Variants in FDFT1 observed in about 807,000 individuals in gnomAD.
The protein encoded by FDFT1 is farnesyl-diphosphate farnesyltransferase 1.
In FDFT1, 68 loss-of-function variants were observed where a neutral mutation model predicts 46.8. The ratio of observed to expected loss-of-function variants is 1.45; its 90% CI spans 1.19 to 1.78. The LOEUF (loss-of-function observed/expected upper bound fraction) is 1.78. Ranked by LOEUF, FDFT1 falls within the 40% of genes most tolerant of loss-of-function variation. The probability of loss-of-function intolerance (pLI) is 0.00; values close to 1 mark genes in which losing one functional copy is unlikely to be tolerated. For missense variants in FDFT1, 928 were observed against 524.4 expected (o/e 1.77, Z -7.52); for synonymous variants, 351 against 185.1 (o/e 1.90, Z -7.28).
rs747003322 is a variant in FDFT1, at chr8:11,826,170, C to G, written c.657C>G (p.Asp219Glu). The G allele has an allele frequency of 6.3e-7, 1 of 1,593,144 alleles. No homozygotes were observed. The highest frequency in any genetic ancestry group is 8.6e-7 in the Non-Finnish European group (1 of 1,164,416). Reference protein sequence around the residue: ...LFLQKTNIIRDYLEDQQGGRE... With the variant: ...LFLQKTNIIREYLEDQQGGRE... Reference sequence around the variant, plus strand: ...TGCAGAAAACAAACATCATCCGTGACTATCTGGAAGACCAGCAAGGAGGAA... The same window carrying G: ...TGCAGAAAACAAACATCATCCGTGAGTATCTGGAAGACCAGCAAGGAGGAA... The change falls in exon 5 of 8, where the codon GAC (aspartate) becomes GAG (glutamate). Residue 219 changes from aspartate to glutamate, a missense_variant. Coordinates refer to ENST00000220584, the MANE Select transcript of FDFT1 (RefSeq NM_004462.5).
intron 3 of FDFT1, among the ~76,000 whole-genome samples, chr8:11,820,812 C>G (rs1304127974): frequency 6.6e-6 from 1 of 152,228 alleles, no homozygotes; most frequent in Non-Finnish European, 1.5e-5. Context: ...TCCCCTGACC[C>G]CTTGCACTTC....
At chr8:11,797,248 G>A (rs765565558), upstream of FDFT1, among the ~76,000 whole-genome samples, 3 of 152,146 alleles carry the variant, frequency 2.0e-5, no homozygotes. Context: ...CTCATTTTGA[G>A]TTCCTTGGAC....
intron 7 of FDFT1, among the ~76,000 whole-genome samples, chr8:11,836,882 C>T (rs1811612191): frequency 1.3e-5 from 2 of 152,182 alleles, no homozygotes; most frequent in African/African-American, 2.4e-5. Context: ...ATTAAAAATG[C>T]AAAAATTAGC....
At chr8:11,820,673 G>C (rs1300200643) in intron 3 of FDFT1, among the ~76,000 whole-genome samples, 1 of 152,188 alleles carries the variant, frequency 6.6e-6, no homozygotes, top group Non-Finnish European at 1.5e-5. Flanking sequence ...GGGACCCCCC[G>C]AGCCAGGCAC....
intron 3 of FDFT1, 98 bp from the exon 4 acceptor site, chr8:11,821,652 G>T (rs1034255923): frequency 1.6e-5 from 22 of 1,366,618 alleles, no homozygotes; most frequent in Non-Finnish European, 2.2e-5. Context: ...ATGAACCATT[G>T]CAGTCATGAT....
Position 11,831,588 on chromosome 8 carries a change from G to A in FDFT1, c.950G>A (p.Arg317Gln), listed in dbSNP as rs200992419. 170 of 1,613,896 alleles carry A rather than the reference G, an allele frequency of 1.1e-4. No individual in the cohort carries two copies. The highest frequency in any genetic ancestry group is 8.6e-5 in the Non-Finnish European group (101 of 1,179,914). The change falls in exon 7 of 8, where the codon CGG becomes CAG. Residue 317 changes from arginine to glutamine, a missense_variant. Physicochemically the swap from Arg to Gln is conservative, Grantham distance 43 (BLOSUM62 1). Coordinates refer to ENST00000220584, the MANE Select transcript of FDFT1 (RefSeq NM_004462.5). ...QQVFKGAVKI[R>Q]KGQAVTLMMD... ...GTGTTCAAAGGGGCAGTGAAGATTC[G>A]GAAAGGGCAAGCAGTGACCCTGATG...
intron 4 of FDFT1, among the ~76,000 whole-genome samples, chr8:11,824,741 T>C (rs1425972881): frequency 1.3e-5 from 2 of 151,200 alleles, no homozygotes; most frequent in African/African-American, 2.5e-5. Flanking sequence ...TTTTTTTCTG[T>C]TGTTGTTGTT....
rs1380888498 is a variant in FDFT1, at chr8:11,802,929, C to T, written c.97C>T (p.Gln33Ter). The change falls in exon 1 of 8, where the codon CAG (glutamine) becomes TAG (stop). Residue 33 changes from glutamine to a stop codon, truncating the protein, a stop_gained and splice_region_variant. Coordinates refer to ENST00000220584, the MANE Select transcript of FDFT1 (RefSeq NM_004462.5). LOFTEE classifies it high-confidence loss of function. ...GKRKVMPKMD[Q>*]DSLSSSLKTC... is the part of the protein sequence containing the mutation. The stretch of plus-strand genomic sequence containing the variant: ...GCGGAAGGTGATGCCCAAGATGGAC[C>T]AGGTGGGCCGAGCCTCCCTGCTTGC... The T allele has an allele frequency of 2.5e-6, 4 of 1,605,178 alleles. No homozygotes were observed. The highest frequency in any genetic ancestry group is 2.2e-5 in the South Asian group (2 of 89,510).
chr8:11,803,247 A>C lies in FDFT1; in HGVS notation c.99+316A>C, dbSNP rs1218420589. On this transcript the variant is annotated intron_variant, in intron 1 of 7. Transcript: ENST00000220584. ...ACCGGTATTTTAACCCGAGGGTTAC[A>C]CATCTGAGGCAATGTGGGTGGGTTA... 13 of 1,371,398 alleles carry C rather than the reference A, an allele frequency of 9.5e-6. No homozygotes were observed. In the East Asian group the frequency reaches 5.0e-4, roughly 52 times the overall value. The allele number at this position is 1,371,398 out of a possible 1,614,324, so 85.0% of individuals were successfully genotyped here. A position where few individuals can be genotyped will look rare whatever the true frequency, so the allele number is the denominator to read the frequency against.
chr8:11,802,590 C>G, upstream of FDFT1: 1 of 623,578 alleles, frequency 1.6e-6, no homozygotes, highest in South Asian at 1.6e-5. Flanking sequence ...CGGGGTCTTC[C>G]TAGTGTGAGC....
At chr8:11,808,616 C>G in intron 1 of FDFT1, 178 bp from the exon 2 acceptor site, 1 of 1,390,532 alleles carries the variant, frequency 7.2e-7, no homozygotes, top group Non-Finnish European at 9.3e-7. Context: ...GCGCAGGCAC[C>G]GCCCCGCGGG....
In FDFT1 at chr8:11,802,937, C is replaced by G; in HGVS notation, c.99+6C>G. The G allele has an allele frequency of 6.3e-7, 1 of 1,598,952 alleles. No individual in the cohort carries two copies. Among genetic ancestry groups the G allele is most frequent in the African/African-American group, 1.3e-5 (1 of 74,576 alleles). On this transcript the variant is annotated splice_donor_region_variant and intron_variant, in intron 1 of 7. Coordinates refer to ENST00000220584, the MANE Select transcript of FDFT1 (RefSeq NM_004462.5). ...TGATGCCCAAGATGGACCAGGTGGGCCGAGCCTCCCTGCTTGCCCGGGGCG... is the reference window on the plus strand; with the variant it reads ...TGATGCCCAAGATGGACCAGGTGGGGCGAGCCTCCCTGCTTGCCCGGGGCG...
chr8:11,822,020 A>T, intron 4 of FDFT1, 142 bp downstream of exon 4: 2 of 965,334 alleles, frequency 2.1e-6, no homozygotes, highest in Non-Finnish European at 3.0e-6. Context: ...TGAATGTCTC[A>T]TCATAAACAG....
chr8:11,798,379 A>G (rs564429838), upstream of FDFT1, among the ~76,000 whole-genome samples: 8 of 152,302 alleles, frequency 5.3e-5, 1 homozygote, highest in South Asian at 4.1e-4. Flanking sequence ...TTTTAGACGA[A>G]TAACTCTACC....
In FDFT1 at chr8:11,830,387, C is replaced by G. The variant is rs147848089; in HGVS notation, c.846C>G (p.Asn282Lys). ...DVITYLSRLR[N>K]QSVFNFCAIP... ...TCACCTACCTTTCGAGACTCAGAAA[C>G]CAGAGTGTGTTTAACTTCTGTGCTA... Residue 282 changes from asparagine to lysine, a missense_variant, in exon 6 of 8, where the codon AAC (asparagine) becomes AAG (lysine). By Grantham distance (94) the Asn-to-Lys change is moderately conservative. Transcript: ENST00000220584. 6.2e-7 allele frequency: 1 copy of G among 1,613,792 alleles called. No individual in the cohort carries two copies. Among genetic ancestry groups the G allele is most frequent in the Non-Finnish European group, 8.5e-7 (1 of 1,179,830 alleles).
At chr8:11,834,386 C>A (rs1227270555) in intron 7 of FDFT1, among the ~76,000 whole-genome samples, 1 of 152,194 alleles carries the variant, frequency 6.6e-6, no homozygotes, top group South Asian at 2.1e-4. Context: ...GGCCAGAAAC[C>A]CCCATTCCCC....
At chr8:11,802,600 C>T (rs1332451278), upstream of FDFT1, 2 of 591,852 alleles carry the variant, frequency 3.4e-6, no homozygotes, top group Non-Finnish European at 6.2e-6. Context: ...CTAGTGTGAG[C>T]GGCCCTGGCC....
chr8:11,827,795 C>T (rs1312083985), intron 5 of FDFT1, among the ~76,000 whole-genome samples: 2 of 151,978 alleles, frequency 1.3e-5, no homozygotes, highest in Middle Eastern at 3.2e-3. Flanking sequence ...GTAATCTCAA[C>T]ACTGGGAGAC....
At chr8:11,828,285 T>A (rs180776312) in intron 5 of FDFT1, among the ~76,000 whole-genome samples, 14 of 148,706 alleles carry the variant, frequency 9.4e-5, no homozygotes, top group African/African-American at 3.4e-4. Flanking sequence ...AGCAAAACCC[T>A]TGTCTCAAAA....
Sources: gnomAD v4.1 joint callset for allele counts (sites outside exome capture counted in the v4.1 genomes callset) on GRCh38, gnomAD v4.1.1 for gene constraint, MANE v1.5 for transcripts, NCBI Gene and HGNC (gene_info 2026-07-23, HGNC 2026-07-21) for gene names.